Variants in KIT observed in about 807,000 individuals in gnomAD.
KIT encodes mast/stem cell growth factor receptor Kit.
KIT carries 16 observed loss-of-function variants against 105.7 expected under a neutral mutation model. The observed-to-expected ratio is 0.15, with a 90% CI of 0.10 to 0.23. The LOEUF (loss-of-function observed/expected upper bound fraction) is 0.23. Among genes scored for constraint, KIT ranks in the 10% least tolerant of loss-of-function variants. KIT has a pLI of 1.00. For missense variants in KIT, 858 were observed against 1,213.8 expected (o/e 0.71, Z 4.36); for synonymous variants, 438 against 441.1 (o/e 0.99, Z 0.09).
intron 1 of KIT, among the ~76,000 whole-genome samples, chr4:54,688,979 G>C (rs1385613090): frequency 6.6e-6 from 1 of 152,170 alleles, no homozygotes; most frequent in East Asian, 1.9e-4. Context: ...GGAAAGTTCT[G>C]AGCTGCCATT....
chr4:54,666,578 A>C (rs535935538), intron 1 of KIT, among the ~76,000 whole-genome samples: 2 of 147,834 alleles, frequency 1.4e-5, no homozygotes, highest in South Asian at 4.3e-4. Flanking sequence ...GCACCCGGCA[A>C]TTTTTTTTTT....
intron 1 of KIT, among the ~76,000 whole-genome samples, chr4:54,671,823 T>G (rs1718127352): frequency 6.6e-6 from 1 of 152,198 alleles, no homozygotes; most frequent in South Asian, 2.1e-4. Flanking sequence ...TAATGAACCC[T>G]CATATAACCA....
chr4:54,687,922 C>A (rs191104248), intron 1 of KIT, among the ~76,000 whole-genome samples: 1 of 152,098 alleles, frequency 6.6e-6, no homozygotes, highest in Admixed American at 6.5e-5. Context: ...GCTGTGAGCT[C>A]CCCCATGAGC....
intron 7 of KIT, among the ~76,000 whole-genome samples, chr4:54,719,476 T>C (rs550369560): frequency 3.7e-4 from 57 of 152,260 alleles, no homozygotes; most frequent in African/African-American, 1.3e-3. Flanking sequence ...CTCAGCAGAG[T>C]TACAAGCATC....
At position 54,666,039 on chromosome 4, in the gene KIT, A is replaced by G. The variant is rs1717662635; in HGVS notation, c.67+7958A>G. On this transcript the variant is annotated intron_variant, in intron 1 of 20. Coordinates refer to ENST00000288135, the MANE Select transcript of KIT (RefSeq NM_000222.3). Reference sequence around the variant, plus strand: ...TGTTTTTTGTTTTTCTCAGAATAAAATGGCCATACTGGGTATAGAGGAGGA... The same window carrying G: ...TGTTTTTTGTTTTTCTCAGAATAAAGTGGCCATACTGGGTATAGAGGAGGA... 2.6e-5 allele frequency among the ~76,000 whole-genome samples: 4 copies of G among 152,310 alleles called. No homozygotes were observed. The South Asian group carries it at 8.3e-4, about 32-fold the overall frequency.
intron 3 of KIT, 67 bp from the exon 4 acceptor site, chr4:54,699,563 A>C: frequency 1.3e-6 from 2 of 1,563,902 alleles, no homozygotes; most frequent in Non-Finnish European, 1.8e-6. Context: ...TTTGAGGAGA[A>C]ATGGTAAATC....
chr4:54,694,169 T>C (rs956373411), intron 1 of KIT, among the ~76,000 whole-genome samples: 1 of 152,156 alleles, frequency 6.6e-6, no homozygotes, highest in Non-Finnish European at 1.5e-5. Context: ...GTACCCTGTT[T>C]TTTAGCCAGG....
At chr4:54,732,964 G>A (rs1578002899) in intron 16 of KIT, 106 bp from the exon 17 acceptor site, 3 of 950,650 alleles carry the variant, frequency 3.2e-6, no homozygotes, top group East Asian at 2.6e-5. Context: ...CAAAAGTATT[G>A]GATTTTTTAT....
At chr4:54,729,786 T>C (rs548041983) in intron 14 of KIT, among the ~76,000 whole-genome samples, 1 of 152,290 alleles carries the variant, frequency 6.6e-6, no homozygotes, top group African/African-American at 2.4e-5. Flanking sequence ...CTGCATGTAT[T>C]TCCATTTATA....
At chr4:54,665,223 T>G (rs1198286699) in intron 1 of KIT, among the ~76,000 whole-genome samples, 1 of 152,206 alleles carries the variant, frequency 6.6e-6, no homozygotes, top group Non-Finnish European at 1.5e-5. Flanking sequence ...AGAATTTTCT[T>G]CCTTTTTAAG....
At chr4:54,723,265 G>T (rs1722004385) in intron 7 of KIT, among the ~76,000 whole-genome samples, 1 of 152,098 alleles carries the variant, frequency 6.6e-6, no homozygotes, top group Admixed American at 6.6e-5. Context: ...GAACACTTTG[G>T]AGTCCTAGAG....
chr4:54,666,752 G>A (rs547221622), intron 1 of KIT, among the ~76,000 whole-genome samples: 11 of 152,304 alleles, frequency 7.2e-5, no homozygotes, highest in African/African-American at 2.2e-4. Context: ...GCCTGAAATC[G>A]TTTGGGAATA....
At position 54,740,040 on chromosome 4, in the gene KIT, A is replaced by G. The variant is rs1007822667; in HGVS notation, c.*1483A>G. 2.1e-5 allele frequency: 5 copies of G among 233,496 alleles called. No individual in the cohort carries two copies. Among genetic ancestry groups the G allele is most frequent in the African/African-American group, 1.1e-4 (5 of 45,316 alleles). The allele number at this position is 233,496 out of a possible 1,614,324, so 14.5% of individuals were successfully genotyped here. A position where few individuals can be genotyped will look rare whatever the true frequency, so the allele number is the denominator to read the frequency against. On this transcript the variant is annotated 3_prime_UTR_variant, in exon 21 of 21. Coordinates refer to ENST00000288135, the MANE Select transcript of KIT (RefSeq NM_000222.3). ...CTCTTTAAAAACAAAACAAAACAAA[A>G]CAAAAAACTCCCCTTCCTCACTGCC...
At chr4:54,689,588 G>T (rs1469104469) in intron 1 of KIT, among the ~76,000 whole-genome samples, 1 of 152,136 alleles carries the variant, frequency 6.6e-6, no homozygotes, top group African/African-American at 2.4e-5. Flanking sequence ...ACATTGAGGG[G>T]CTCACAGAGG....
intron 1 of KIT, among the ~76,000 whole-genome samples, chr4:54,694,779 A>G (rs1016863274): frequency 3.9e-5 from 6 of 152,208 alleles, no homozygotes; most frequent in African/African-American, 1.4e-4. Context: ...TGTAGATGAT[A>G]ATTAATGAAT....
At position 54,705,902 on chromosome 4, in the gene KIT, T is replaced by C. The variant is rs984209840; in HGVS notation, c.926-1196T>C. Among the ~76,000 whole-genome samples the C allele has an allele frequency of 2.6e-5, 4 of 152,110 alleles. No individual in the cohort carries two copies. In the East Asian group the frequency reaches 7.7e-4, roughly 29 times the overall value. On this transcript the variant is annotated intron_variant, in intron 5 of 20. Transcript: ENST00000288135. ...GTTTCAAACAAAACAAAACAAAAGA[T>C]TAAGTGTCACAATTATTAAGTAAAA...
At chr4:54,685,292 G>A (rs575367531) in intron 1 of KIT, among the ~76,000 whole-genome samples, 54 of 152,244 alleles carry the variant, frequency 3.5e-4, no homozygotes, top group Admixed American at 1.9e-3. Flanking sequence ...CCAGTTTCCA[G>A]AACCTTTTTG....
At chr4:54,663,752 T>C (rs573516392) in intron 1 of KIT, among the ~76,000 whole-genome samples, 16 of 152,342 alleles carry the variant, frequency 1.1e-4, no homozygotes, top group African/African-American at 3.8e-4. Flanking sequence ...TTTCCATGAC[T>C]GCTTTCACTA....
At chr4:54,720,619 T>C (rs943110911) in intron 7 of KIT, among the ~76,000 whole-genome samples, 2 of 152,232 alleles carry the variant, frequency 1.3e-5, no homozygotes, top group Non-Finnish European at 2.9e-5. Flanking sequence ...TTCATCACCT[T>C]ACTACCCAGA....
Sources: allele counts gnomAD v4.1 joint callset (sites outside exome capture counted in the v4.1 genomes callset), GRCh38; gene constraint gnomAD v4.1.1; transcripts MANE v1.5; gene names NCBI Gene and HGNC (gene_info 2026-07-23, HGNC 2026-07-21).